EEFSEC: variants seen among roughly 807,000 people sequenced by gnomAD.
EEFSEC encodes eukaryotic elongation factor, selenocysteine-tRNA specific, also known as selenocysteine-specific elongation factor.
A neutral mutation model predicts 42.1 loss-of-function variants in EEFSEC; 43 were observed. That is an observed-to-expected ratio of 1.02 (90% CI 0.80 to 1.32). EEFSEC has a LOEUF of 1.32. EEFSEC is among the 40% of genes most tolerant of loss of function. The probability of loss-of-function intolerance (pLI) is 0.00; values close to 1 mark genes in which losing one functional copy is unlikely to be tolerated. For missense variants in EEFSEC, 745 were observed against 803.6 expected, an observed-to-expected ratio of 0.93 and a Z score of 0.88; for synonymous variants, 354 against 339.1, an observed-to-expected ratio of 1.04 and a Z score of -0.48.
intron 6 of EEFSEC, among the ~76,000 whole-genome samples, chr3:128,370,931 G>C (rs1337972162): frequency 6.6e-6 from 1 of 152,234 alleles, no homozygotes. Flanking sequence ...AGGGAGGAAG[G>C]GTGTTCAGGA....
intron 1 of EEFSEC, among the ~76,000 whole-genome samples, chr3:128,193,069 G>A (rs546165230): frequency 1.4e-4 from 22 of 152,290 alleles, no homozygotes; most frequent in African/African-American, 5.1e-4. Context: ...TAAATGGGAC[G>A]GCTTGCATGA....
chr3:128,389,070 G>A (rs189166933), intron 6 of EEFSEC, among the ~76,000 whole-genome samples: 2 of 152,332 alleles, frequency 1.3e-5, no homozygotes, highest in East Asian at 1.9e-4. Flanking sequence ...CAAGGGAGCC[G>A]GTGTGCCCTG....
chr3:128,333,653 C>A (rs937445819), intron 4 of EEFSEC, among the ~76,000 whole-genome samples: 1 of 152,208 alleles, frequency 6.6e-6, no homozygotes, highest in African/African-American at 2.4e-5. Flanking sequence ...CATATCGGCC[C>A]TGTGGTAACA....
intron 4 of EEFSEC, among the ~76,000 whole-genome samples, chr3:128,326,749 C>A (rs2067067993): frequency 6.6e-6 from 1 of 152,164 alleles, no homozygotes; most frequent in East Asian, 1.9e-4. Context: ...GAAAATCTGT[C>A]TTTTTATTCT....
intron 4 of EEFSEC, among the ~76,000 whole-genome samples, chr3:128,333,394 G>A (rs1183007463): frequency 1.3e-5 from 2 of 152,206 alleles, no homozygotes; most frequent in South Asian, 4.1e-4. Context: ...TAGTGATATC[G>A]CTGTGCTGAA....
intron 6 of EEFSEC, among the ~76,000 whole-genome samples, chr3:128,403,053 C>T (rs2068066516): frequency 6.6e-6 from 1 of 151,740 alleles, no homozygotes; most frequent in Non-Finnish European, 1.5e-5. Flanking sequence ...GTCAGGGGAG[C>T]ATGAGGGGGT....
At chr3:128,383,436 A>G (rs1210746366) in intron 6 of EEFSEC, among the ~76,000 whole-genome samples, 5 of 152,252 alleles carry the variant, frequency 3.3e-5, no homozygotes, top group Admixed American at 3.3e-4. Context: ...ACTTTCTGTT[A>G]TATGAACTCA....
intron 1 of EEFSEC, among the ~76,000 whole-genome samples, chr3:128,206,509 T>C (rs1162425365): frequency 1.3e-5 from 2 of 152,110 alleles, no homozygotes; most frequent in Non-Finnish European, 2.9e-5. Flanking sequence ...AGAACACAAA[T>C]CTGTTTTGAA....
the EEFSEC span, among the ~76,000 whole-genome samples, chr3:128,419,844 G>A: frequency 1.3e-5 from 2 of 152,196 alleles, no homozygotes; most frequent in South Asian, 2.1e-4. Context: ...CTCAAAAGCC[G>A]TAGCTCTGGG....
Position 128,341,249 on chromosome 3 carries a change from A to G in EEFSEC, c.803A>G (p.Lys268Arg). 6.2e-7 allele frequency: 1 copy of G among 1,609,692 alleles called. No homozygotes were observed. Among genetic ancestry groups the G allele is most frequent in the Non-Finnish European group, 8.5e-7 (1 of 1,177,680 alleles). Reference sequence around the variant, plus strand: ...CCCCATCAGGTGGTGAAGAAGGTGAAGTCCATGCAGATGTTCCACATGCCC... The same window carrying G: ...CCCCATCAGGTGGTGAAGAAGGTGAGGTCCATGCAGATGTTCCACATGCCC... ...IPALKVVKKVKSMQMFHMPIT... is the reference protein window; with the variant it reads ...IPALKVVKKVRSMQMFHMPIT... The change falls in exon 5 of 7, where the codon AAG (lysine) becomes AGG (arginine). Residue 268 changes from lysine (K) to arginine (R), a missense_variant. Physicochemically the swap from Lys to Arg is conservative, Grantham distance 26. Coordinates refer to ENST00000254730, the MANE Select transcript of EEFSEC (RefSeq NM_021937.5).
intron 2 of EEFSEC, among the ~76,000 whole-genome samples, chr3:128,254,103 ACC>A (rs1366369744): frequency 6.6e-6 from 1 of 152,204 alleles, no homozygotes; most frequent in Non-Finnish European, 1.5e-5. Flanking sequence ...GAGCCTGAGT[ACC>A]TGGATGATGG....
intron 4 of EEFSEC, among the ~76,000 whole-genome samples, chr3:128,272,811 G>A (rs1161090250): frequency 6.6e-6 from 1 of 152,172 alleles, no homozygotes; most frequent in Non-Finnish European, 1.5e-5. Flanking sequence ...GACAAGGTGG[G>A]AGGGATGGTT....
At chr3:128,180,325 A>G (rs1460073691) in intron 1 of EEFSEC, among the ~76,000 whole-genome samples, 1 of 152,170 alleles carries the variant, frequency 6.6e-6, no homozygotes, top group Non-Finnish European at 1.5e-5. Context: ...CCTGACCATA[A>G]TGACCTGGCC....
chr3:128,331,255 C>A (rs1201596192), intron 4 of EEFSEC, among the ~76,000 whole-genome samples: 5 of 46,122 alleles, frequency 1.1e-4, no homozygotes, highest in Non-Finnish European at 1.4e-4. Flanking sequence ...CCTCTTCCCC[C>A]CTTCCTCAGT....
At position 128,293,660 on chromosome 3, in the gene EEFSEC, C is replaced by CAAAAAAAAAAAAAAAAAAAAAAAA. The variant is rs759485696; in HGVS notation, c.786+28883_786+28906dup. Among the ~76,000 whole-genome samples the CAAAAAAAAAAAAAAAAAAAAAAAA allele has an allele frequency of 3.5e-4, 5 of 14,140 alleles. 1 individual carries two copies. The highest frequency in any genetic ancestry group is 5.7e-4 in the African/African-American group (4 of 6,982). The allele number at this position is 14,140 out of a possible 152,430, so 9.3% of individuals were successfully genotyped here. On this transcript the variant is annotated intron_variant, in intron 4 of 6. Transcript: ENST00000254730. ...TGGGCGACAAAGCAAGACTCTATCT[C>CAAAAAAAAAAAAAAAAAAAAAAAA]AAAAAAAAAAAAAAAAAAAAAAAAA...
At chr3:128,321,551 C>T (rs2067008466) in intron 4 of EEFSEC, among the ~76,000 whole-genome samples, 1 of 152,140 alleles carries the variant, frequency 6.6e-6, no homozygotes, top group African/African-American at 2.4e-5. Flanking sequence ...GGACACTGTC[C>T]TGACAGGCTG....
intron 1 of EEFSEC, among the ~76,000 whole-genome samples, chr3:128,189,765 G>C (rs1310272498): frequency 6.6e-6 from 1 of 151,526 alleles, no homozygotes; most frequent in East Asian, 1.9e-4. Context: ...TCACCATGTT[G>C]CCCAGGCTGA....
chr3:128,371,704 T>C (rs996031182), intron 6 of EEFSEC, among the ~76,000 whole-genome samples: 2 of 152,156 alleles, frequency 1.3e-5, no homozygotes, highest in African/African-American at 4.8e-5. Flanking sequence ...AGGAGGGTGA[T>C]GTCCAGAATA....
chr3:128,384,879 C>T (rs2067820254), intron 6 of EEFSEC, among the ~76,000 whole-genome samples: 1 of 152,210 alleles, frequency 6.6e-6, no homozygotes, highest in Non-Finnish European at 1.5e-5. Flanking sequence ...TGGTGCAGGG[C>T]TGTCCCCAGG....
Sources: allele counts gnomAD v4.1 joint callset (sites outside exome capture counted in the v4.1 genomes callset), GRCh38; gene constraint gnomAD v4.1.1; transcripts MANE v1.5; gene names NCBI Gene and HGNC (gene_info 2026-07-23, HGNC 2026-07-21).